SYT7: variants seen among roughly 807,000 people sequenced by gnomAD.
The protein encoded by SYT7 is synaptotagmin-7.
In SYT7, 29 loss-of-function variants were observed where a neutral mutation model predicts 75.1. That is an observed-to-expected ratio of 0.39 (90% CI 0.29 to 0.53). The LOEUF (loss-of-function observed/expected upper bound fraction) is 0.53. Among genes scored for constraint, SYT7 ranks in the 20% least tolerant of loss-of-function variants. The pLI is 0.77. For missense variants in SYT7, 693 were observed against 953.2 expected (o/e 0.73, Z 3.59); for synonymous variants, 376 against 401.7 (o/e 0.94, Z 0.76).
At chr11:61,564,314 G>A (rs1276110262) in intron 1 of SYT7, among the ~76,000 whole-genome samples, 2 of 152,066 alleles carry the variant, frequency 1.3e-5, no homozygotes, top group East Asian at 1.9e-4. Flanking sequence ...TCCATCACCC[G>A]CAAGCCCTCC....
rs569708082 is a variant in SYT7 at position 61,551,846 on chromosome 11, C to T, written c.136-383G>A. On this transcript the variant is annotated intron_variant, in intron 2 of 12. Transcript: ENST00000539008. The surrounding 1 kb of genome is among the most constrained non-coding windows in gnomAD (Gnocchi z 5.3). ...ACGTCACACTGTCCACGTCACCGCC[C>T]CCAGATGGTGGGGGTGGCATCCTGC... Among the ~76,000 whole-genome samples, 243 of 152,276 alleles carry T rather than the reference C, an allele frequency of 1.6e-3. 1 individual carries two copies. Among genetic ancestry groups the T allele is most frequent in the African/African-American group, 5.4e-3 (223 of 41,552 alleles).
chr11:61,559,046 A>C (rs2063574593), intron 1 of SYT7, among the ~76,000 whole-genome samples: 1 of 152,060 alleles, frequency 6.6e-6, no homozygotes, highest in African/African-American at 2.4e-5. Flanking sequence ...GCCCAGCCCC[A>C]CCTCTGCCTC....
At chr11:61,570,435 A>G (rs1011785339) in intron 1 of SYT7, among the ~76,000 whole-genome samples, 1 of 152,238 alleles carries the variant, frequency 6.6e-6, no homozygotes. Flanking sequence ...TACTAGATAC[A>G]GTGTGCCAGC....
chr11:61,528,336 C>T (rs2062594562), intron 8 of SYT7, 151 bp from the exon 9 acceptor site: 1 of 974,354 alleles, frequency 1.0e-6, no homozygotes, highest in East Asian at 2.5e-5. Context: ...GGGCAGGTGC[C>T]TTGACCAGGG....
chr11:61,535,662 C>T (rs1028957754), intron 7 of SYT7, among the ~76,000 whole-genome samples: 3 of 152,102 alleles, frequency 2.0e-5, no homozygotes, highest in African/African-American at 7.2e-5. Flanking sequence ...TCCCATCTCC[C>T]GCTGCTTGTT....
chr11:61,541,901 G>C (rs750706299), intron 6 of SYT7, among the ~76,000 whole-genome samples: 2 of 152,214 alleles, frequency 1.3e-5, no homozygotes, highest in Non-Finnish European at 2.9e-5. Context: ...AGCAGCCTGG[G>C]ACTAGCTGGG....
At position 61,542,443 on chromosome 11, in the gene SYT7, C is replaced by T. The variant is rs1375597525; in HGVS notation, c.709G>A (p.Gly237Ser). Reference sequence around the variant, plus strand: ...GTGGTGGGCTGGCTGGGCTGCCGGCCCCGCTGGTGCTGGCTCAGCGGCTGT... The same window carrying T: ...GTGGTGGGCTGGCTGGGCTGCCGGCTCCGCTGGTGCTGGCTCAGCGGCTGT... ...LQQPLSQHQR[G>S]RQPSQPTTSQ... is the part of the protein sequence containing the mutation. The change falls in exon 6 of 13, where the codon GGC becomes AGC. Residue 237 changes from glycine (G) to serine (S), a missense_variant. Transcript: ENST00000539008. The surrounding 1 kb of genome is among the most constrained non-coding windows in gnomAD (Gnocchi z 7.8). The T allele has an allele frequency of 3.9e-6, 6 of 1,532,734 alleles. No individual in the cohort carries two copies. Among genetic ancestry groups the T allele is most frequent in the African/African-American group, 1.4e-5 (1 of 72,996 alleles). The allele number at this position is 1,532,734 out of a possible 1,614,324, so 94.9% of individuals were successfully genotyped here.
upstream of SYT7, among the ~76,000 whole-genome samples, chr11:61,584,198 A>G (rs2064337065): frequency 6.6e-6 from 1 of 151,506 alleles, no homozygotes; most frequent in Admixed American, 6.6e-5. Context: ...GACTAGCCTG[A>G]CCAACATGGT....
rs2062584750 is a variant in SYT7 at position 61,528,160 on chromosome 11, T to C, written c.1226A>G (p.Glu409Gly). ...CTCTCGGCTGCAACCCTCGTGGGCC[T>C]CATCCTCCTCGGAGCCTGGGGAGAG... ...LMLSPGSEED[E>G]AHEGCSRENL... Residue 409 changes from glutamate to glycine, a missense_variant, in exon 9 of 13, where the codon GAG becomes GGG. Coordinates refer to ENST00000539008, the MANE Select transcript of SYT7 (RefSeq NM_001365809.2). 1.9e-6 allele frequency: 3 copies of C among 1,612,134 alleles called. No homozygotes were observed. Among genetic ancestry groups the C allele is most frequent in the Non-Finnish European group, 1.7e-6 (2 of 1,179,964 alleles).
intron 6 of SYT7, chr11:61,540,778 G>T: frequency 2.0e-6 from 2 of 985,532 alleles, no homozygotes; most frequent in Non-Finnish European, 2.4e-6. Context: ...GGCCCAGCAG[G>T]CTCTCAGTCC....
At chr11:61,583,924 T>C (rs888374915), upstream of SYT7, among the ~76,000 whole-genome samples, 1 of 152,162 alleles carries the variant, frequency 6.6e-6, no homozygotes, top group Non-Finnish European at 1.5e-5. Context: ...CGCAGAGTCA[T>C]GGGAAAGAGG....
At chr11:61,566,315 C>T (rs893617759) in intron 1 of SYT7, among the ~76,000 whole-genome samples, 1 of 152,242 alleles carries the variant, frequency 6.6e-6, no homozygotes, top group African/African-American at 2.4e-5. Flanking sequence ...ACCCCTACCT[C>T]CCACAATTCC....
chr11:61,518,308 G>A lies in SYT7; in HGVS notation c.*319C>T, dbSNP rs1037563478. 6 of 260,708 alleles carry A rather than the reference G, an allele frequency of 2.3e-5. No individual in the cohort carries two copies. Among genetic ancestry groups the A allele is most frequent in the African/African-American group, 1.1e-4 (5 of 45,326 alleles). The allele number at this position is 260,708 out of a possible 1,614,324, so 16.1% of individuals were successfully genotyped here. On this transcript the variant is annotated 3_prime_UTR_variant, in exon 13 of 13. Coordinates refer to ENST00000539008, the MANE Select transcript of SYT7 (RefSeq NM_001365809.2). ...AAATGGGGGACCATGCCCACCTGGC[G>A]GGCCTCTGGAGGGGTCTGCCTGTCT... is the stretch of plus-strand genomic sequence containing the variant.
rs535428556 is a variant in SYT7, at chr11:61,537,478, G to A, written c.1064+666C>T. On this transcript the variant is annotated intron_variant, in intron 7 of 12. Transcript: ENST00000539008. ...CTATGCCCAGTCTCCACAGGGTCCC[G>A]AGGCCAGCCGCAGTGAAAAGGAGCC... 2.0e-3 allele frequency among the ~76,000 whole-genome samples: 299 copies of A among 152,294 alleles called. 1 individual carries two copies. The highest frequency in any genetic ancestry group is 2.2e-3 in the Non-Finnish European group (153 of 68,018).
intron 6 of SYT7, chr11:61,540,642 G>A: frequency 1.0e-6 from 1 of 985,548 alleles, no homozygotes; most frequent in Non-Finnish European, 1.2e-6. Flanking sequence ...AAGGCAGCAG[G>A]CAGGGAAGAG....
intron 1 of SYT7, among the ~76,000 whole-genome samples, chr11:61,578,379 TA>T (rs969491684): frequency 4.6e-5 from 7 of 151,640 alleles, no homozygotes; most frequent in Admixed American, 4.6e-4. Flanking sequence ...TTTTTTTTTT[TA>T]AGGATTGGGC....
chr11:61,529,439 C>T (rs1308759883), intron 8 of SYT7, among the ~76,000 whole-genome samples: 1 of 152,192 alleles, frequency 6.6e-6, no homozygotes, highest in Non-Finnish European at 1.5e-5. Flanking sequence ...TCACCACCCT[C>T]TAGCTGAAGA....
intron 7 of SYT7, among the ~76,000 whole-genome samples, chr11:61,534,064 C>T (rs1164077880): frequency 6.6e-6 from 1 of 152,122 alleles, no homozygotes; most frequent in East Asian, 1.9e-4. Flanking sequence ...AGGAAGGGGG[C>T]ACTAAAAGCC....
In SYT7 at chr11:61,514,239, G is replaced by A. The variant is rs1276898103; in HGVS notation, c.*4388C>T. 8.5e-5 allele frequency among the ~76,000 whole-genome samples: 13 copies of A among 152,236 alleles called. No homozygotes were observed. The highest frequency in any genetic ancestry group is 1.3e-4 in the Admixed American group (2 of 15,292). On this transcript the variant is annotated 3_prime_UTR_variant, in exon 13 of 13. Coordinates refer to ENST00000539008, the MANE Select transcript of SYT7 (RefSeq NM_001365809.2). ...TTCCAGGGCTGCTTTCATGGAGAGC[G>A]CCTGAACAGAAGCTCTGGCCAAGGG...
Sources: allele counts gnomAD v4.1 joint callset (sites outside exome capture counted in the v4.1 genomes callset), GRCh38; gene constraint gnomAD v4.1.1; non-coding constraint Gnocchi (gnomAD v3.1); transcripts MANE v1.5; gene names NCBI Gene and HGNC (gene_info 2026-07-23, HGNC 2026-07-21).